Variants in AAMDC observed in about 807,000 individuals in gnomAD.
AAMDC encodes the protein adipogenesis associated Mth938 domain containing.
A neutral mutation model predicts 15.5 loss-of-function variants in AAMDC; 16 were observed. The observed-to-expected ratio is 1.03, with a 90% CI of 0.70 to 1.57. AAMDC has a LOEUF of 1.57. Among genes scored for constraint, AAMDC ranks in the 40% most tolerant of loss-of-function variants. The pLI is 0.00. For missense variants in AAMDC, 141 were observed against 144.9 expected, an observed-to-expected ratio of 0.97 and a Z score of 0.14; for synonymous variants, 51 against 51.6, an observed-to-expected ratio of 0.99 and a Z score of 0.05.
downstream of AAMDC, among the ~76,000 whole-genome samples, chr11:77,874,355 T>C (rs1304025722): frequency 6.6e-6 from 1 of 152,126 alleles, no homozygotes; most frequent in African/African-American, 2.4e-5. Flanking sequence ...TTCAGACTGT[T>C]TCTCTAGTGA....
At chr11:77,851,199 T>C (rs1313312006) in intron 2 of AAMDC, among the ~76,000 whole-genome samples, 1 of 152,042 alleles carries the variant, frequency 6.6e-6, no homozygotes, top group Non-Finnish European at 1.5e-5. Flanking sequence ...GTGATCCACC[T>C]GCCTCGGCCT....
intron 5 of AAMDC, among the ~76,000 whole-genome samples, chr11:77,897,751 C>T (rs1375064601): frequency 2.0e-5 from 3 of 151,936 alleles, no homozygotes; most frequent in African/African-American, 4.8e-5. Flanking sequence ...GTGATCCACC[C>T]GATTCGGCCT....
rs147776725 is a variant in AAMDC, at chr11:77,863,250, A to G, written c.133-6472A>G. 2.5e-3 allele frequency among the ~76,000 whole-genome samples: 377 copies of G among 152,298 alleles called. 1 individual carries two copies. Among genetic ancestry groups the G allele is most frequent in the Non-Finnish European group, 4.1e-3 (276 of 68,026 alleles). On this transcript the variant is annotated intron_variant, in intron 2 of 3. Transcript: ENST00000393427. Reference sequence around the variant, plus strand: ...CAGGAACAATGGCAAGCCTTTATTTAGCCCAATCGGGAGCGGCAATGGGCG... The same window carrying G: ...CAGGAACAATGGCAAGCCTTTATTTGGCCCAATCGGGAGCGGCAATGGGCG...
intron 2 of AAMDC, among the ~76,000 whole-genome samples, chr11:77,848,359 C>G (rs1950228772): frequency 6.6e-6 from 1 of 152,036 alleles, no homozygotes; most frequent in African/African-American, 2.4e-5. Context: ...TTACCATTAA[C>G]CTCATTCTTT....
At chr11:77,830,975 T>C (rs1949393575) in intron 1 of AAMDC, among the ~76,000 whole-genome samples, 1 of 86,682 alleles carries the variant, frequency 1.2e-5, no homozygotes, top group Non-Finnish European at 2.4e-5. Flanking sequence ...ACCCTGTCTC[T>C]ACAAAATATA....
intron 1 of AAMDC, among the ~76,000 whole-genome samples, chr11:77,824,932 C>A (rs2136031926): frequency 6.6e-6 from 1 of 152,208 alleles, no homozygotes; most frequent in Middle Eastern, 3.4e-3. Context: ...ATACACATTT[C>A]TGTCTCCTTC....
At chr11:77,869,244 CT>C in intron 2 of AAMDC, 1 of 180,428 alleles carries the variant, frequency 5.5e-6, no homozygotes, top group Non-Finnish European at 1.2e-5. Context: ...GGTCCTGAGC[CT>C]TTTAAAATGC....
rs563505794 is a variant in AAMDC, at chr11:77,899,577, G to A, written c.329-994G>A. ...CCCAGCTACTTGGGAGGCTGAGGCA[G>A]GAGAATCGCTTGAACCCAGGAGGCA... On this transcript the variant is annotated intron_variant, in intron 5 of 5. Transcript: ENST00000304716. 2.0e-5 allele frequency among the ~76,000 whole-genome samples: 3 copies of A among 151,888 alleles called. No individual in the cohort carries two copies. In the South Asian group the frequency reaches 6.2e-4, roughly 32 times the overall value.
chr11:77,866,554 T>C (rs1390450576), intron 2 of AAMDC: 1 of 152,192 alleles, frequency 6.6e-6, no homozygotes, highest in Admixed American at 6.5e-5. Flanking sequence ...AGTTCATCAC[T>C]TGAGTTCCAT....
At chr11:77,850,236 CA>C (rs1257866510) in intron 2 of AAMDC, among the ~76,000 whole-genome samples, 5 of 152,186 alleles carry the variant, frequency 3.3e-5, no homozygotes, top group Non-Finnish European at 7.4e-5. Context: ...GTAAGGTCTT[CA>C]AGCAGTATCC....
chr11:77,862,382 A>G (rs893053477), intron 2 of AAMDC, among the ~76,000 whole-genome samples: 1 of 152,216 alleles, frequency 6.6e-6, no homozygotes, highest in Non-Finnish European at 1.5e-5. Context: ...ACATCAATAT[A>G]GCCATCAGGG....
At chr11:77,878,726 T>G (rs1223337656) in intron 5 of AAMDC, 1 of 694,858 alleles carries the variant, frequency 1.4e-6, no homozygotes, top group African/African-American at 1.8e-5. Flanking sequence ...CAGCTTGGTG[T>G]TTTCTCAACT....
At chr11:77,866,395 G>A (rs1398696990) in intron 2 of AAMDC, 3 of 152,214 alleles carry the variant, frequency 2.0e-5, no homozygotes, top group African/African-American at 7.2e-5. Context: ...TGAGGGATTG[G>A]AAGCAGCACA....
intron 2 of AAMDC, among the ~76,000 whole-genome samples, chr11:77,849,799 C>T (rs1950298136): frequency 6.6e-6 from 1 of 152,112 alleles, no homozygotes; most frequent in South Asian, 2.1e-4. Context: ...AAACTATTTC[C>T]TTCTGTATCT....
intron 1 of AAMDC, among the ~76,000 whole-genome samples, chr11:77,840,097 A>AACAC (rs10547270): frequency 1.3e-5 from 2 of 150,334 alleles, no homozygotes; most frequent in East Asian, 2.0e-4. Context: ...GGGGACAGTA[A>AACAC]ACACACACAC....
At chr11:77,844,453 C>T in intron 2 of AAMDC, among the ~76,000 whole-genome samples, 1 of 152,048 alleles carries the variant, frequency 6.6e-6, no homozygotes, top group Non-Finnish European at 1.5e-5. Context: ...GTCTACACCA[C>T]CTGGGTGAAA....
chr11:77,842,054 C>T (rs540516418), intron 1 of AAMDC, among the ~76,000 whole-genome samples: 3 of 152,260 alleles, frequency 2.0e-5, no homozygotes, highest in African/African-American at 4.8e-5. Context: ...TGAAATTCAG[C>T]GATCTTCATG....
intron 1 of AAMDC, among the ~76,000 whole-genome samples, chr11:77,840,053 T>C (rs974262814): frequency 1.3e-5 from 2 of 151,702 alleles, no homozygotes; most frequent in African/African-American, 4.9e-5. Flanking sequence ...GTTGATAGCA[T>C]GTTATCATTT....
chr11:77,863,980 T>G (rs1166322907), intron 2 of AAMDC, among the ~76,000 whole-genome samples: 1 of 151,612 alleles, frequency 6.6e-6, no homozygotes, highest in Non-Finnish European at 1.5e-5. Flanking sequence ...AGGCTGGAGT[T>G]CAGTGGCGCG....
Sources: allele counts gnomAD v4.1 joint callset (sites outside exome capture counted in the v4.1 genomes callset), GRCh38; gene constraint gnomAD v4.1.1; transcripts MANE v1.5; gene names NCBI Gene and HGNC (gene_info 2026-07-23, HGNC 2026-07-21).